Variants in GADD45GIP1 observed in about 807,000 individuals in gnomAD.
GADD45GIP1 encodes large ribosomal subunit protein mL64.
In GADD45GIP1, 17 loss-of-function variants were observed where a neutral mutation model predicts 22.1. The ratio of observed to expected loss-of-function variants is 0.77; its 90% CI spans 0.53 to 1.15. GADD45GIP1 has a LOEUF of 1.15. Among genes scored for constraint, GADD45GIP1 ranks in the 50% most tolerant of loss-of-function variants. The probability of loss-of-function intolerance (pLI) is 0.00; values close to 1 mark genes in which losing one functional copy is unlikely to be tolerated. For synonymous variants in GADD45GIP1, 135 were observed against 138.4 expected, an observed-to-expected ratio of 0.98 and a Z score of 0.17; for missense variants, 294 against 314.0, an observed-to-expected ratio of 0.94 and a Z score of 0.48.
chr19:12,953,876 A>C lies in GADD45GIP1; in HGVS notation c.*332T>G. On this transcript the variant is annotated 3_prime_UTR_variant, in exon 2 of 2. Transcript: ENST00000316939. ...CCCCGGCCCCCACCATCATCACCAC[A>C]GTCTGTTTTGGCTATACTTCCCCCC... 1 of 237,018 alleles carries C rather than the reference A, an allele frequency of 4.2e-6. No individual in the cohort carries two copies. 14.7% of individuals were successfully genotyped at this position (237,018 alleles called of 1,614,324 possible).
intron 1 of GADD45GIP1, among the ~76,000 whole-genome samples, chr19:12,955,589 GT>G (rs762817647): frequency 1.3e-5 from 2 of 151,546 alleles, no homozygotes; most frequent in Non-Finnish European, 2.9e-5. Flanking sequence ...GCCCGACGCG[GT>G]GGCTCACGCC....
At chr19:12,955,018 T>C (rs1971906564) in intron 1 of GADD45GIP1, among the ~76,000 whole-genome samples, 1 of 152,182 alleles carries the variant, frequency 6.6e-6, no homozygotes, top group African/African-American at 2.4e-5. Flanking sequence ...TAAACTTGTG[T>C]CATGGGGTTT....
chr19:12,954,128 A>T lies in GADD45GIP1; in HGVS notation c.*80T>A. On this transcript the variant is annotated 3_prime_UTR_variant, in exon 2 of 2. Transcript: ENST00000316939. ...TATTGGGGGAGGAACCAGGGGACCC[A>T]GAGAGGCACACCTTGAGAGGACGCA... 8.0e-7 allele frequency: 1 copy of T among 1,249,214 alleles called. No individual in the cohort carries two copies. Among genetic ancestry groups the T allele is most frequent in the Non-Finnish European group, 1.1e-6 (1 of 884,960 alleles). The allele number at this position is 1,249,214 out of a possible 1,614,324, so 77.4% of individuals were successfully genotyped here.
chr19:12,954,561 A>C, intron 1 of GADD45GIP1, 35 bp from the exon 2 acceptor site: 1 of 1,567,446 alleles, frequency 6.4e-7, no homozygotes, highest in South Asian at 1.2e-5. Context: ...TGACACTGGC[A>C]CTCAGCCAGG....
intron 1 of GADD45GIP1, 133 bp downstream of exon 1, chr19:12,956,730 G>A (rs1025066611): frequency 9.8e-6 from 7 of 711,126 alleles, no homozygotes; most frequent in Non-Finnish European, 1.6e-5. Context: ...TTGTTTTGCG[G>A]CCAGGTGAGC....
chr19:12,953,290 G>A lies in GADD45GIP1; in HGVS notation c.*918C>T, dbSNP rs1012971937. The A allele has an allele frequency of 2.9e-6, 1 of 345,024 alleles. No homozygotes were observed. Among genetic ancestry groups the A allele is most frequent in the African/African-American group, 2.1e-5 (1 of 46,916 alleles). 21.4% of individuals were successfully genotyped at this position (345,024 alleles called of 1,614,324 possible). A position where few individuals can be genotyped will look rare whatever the true frequency, so the allele number is the denominator to read the frequency against. ...CAGCCCAGCCTGCTCAGAGAAGCTG[G>A]CAGGACTGGGAGGCGACAGATGGGC... On this transcript the variant is annotated 3_prime_UTR_variant, in exon 2 of 2. Transcript: ENST00000316939.
rs921421453 is a variant in GADD45GIP1, at chr19:12,957,166, G to A, written c.47C>T (p.Ala16Val). 1 of 1,420,538 alleles carries A rather than the reference G, an allele frequency of 7.0e-7. No homozygotes were observed. The highest frequency in any genetic ancestry group is 9.1e-7 in the Non-Finnish European group (1 of 1,101,054). The allele number at this position is 1,420,538 out of a possible 1,614,324, so 88.0% of individuals were successfully genotyped here. A position where few individuals can be genotyped will look rare whatever the true frequency, so the allele number is the denominator to read the frequency against. ...GCCACGGGAACCCGGGGCCAGGGTCGCCGCCACACCTAGTAGGCTGCGTGC... is the reference window on the plus strand; with the variant it reads ...GCCACGGGAACCCGGGGCCAGGGTCACCGCCACACCTAGTAGGCTGCGTGC... ...RQARSLLGVAATLAPGSRGYR... is the reference protein window; with the variant it reads ...RQARSLLGVAVTLAPGSRGYR... The change falls in exon 1 of 2, where the codon GCG (alanine) becomes GTG (valine). Residue 16 changes from alanine to valine, a missense_variant. Coordinates refer to ENST00000316939, the MANE Select transcript of GADD45GIP1 (RefSeq NM_052850.4).
At chr19:12,956,789 G>T in intron 1 of GADD45GIP1, 74 bp downstream of exon 1, 1 of 1,376,030 alleles carries the variant, frequency 7.3e-7, no homozygotes, top group East Asian at 2.4e-5. Context: ...ACCCCGAAGG[G>T]GTAGGCACGG....
intron 1 of GADD45GIP1, 37 bp downstream of exon 1, chr19:12,956,824 GCA>G (rs780152098): frequency 6.4e-7 from 1 of 1,569,822 alleles, no homozygotes; most frequent in East Asian, 2.3e-5. Flanking sequence ...CGCCCACGGG[GCA>G]CAGAGGGCAG....
intron 1 of GADD45GIP1, 58 bp from the exon 2 acceptor site, chr19:12,954,584 C>T: frequency 1.4e-6 from 2 of 1,446,666 alleles, no homozygotes; most frequent in East Asian, 4.6e-5. Flanking sequence ...AGAGCCCACC[C>T]ACCCATATCT....
intron 1 of GADD45GIP1, among the ~76,000 whole-genome samples, chr19:12,955,359 C>T (rs1228135686): frequency 3.3e-5 from 5 of 152,150 alleles, no homozygotes; most frequent in Non-Finnish European, 7.3e-5. Flanking sequence ...TGAGGAGGGG[C>T]AGAAACAGGA....
chr19:12,956,974 T>C lies in GADD45GIP1; in HGVS notation c.239A>G (p.Glu80Gly), dbSNP rs1217961166. 1 of 1,598,902 alleles carries C rather than the reference T, an allele frequency of 6.3e-7. No homozygotes were observed. The highest frequency in any genetic ancestry group is 2.2e-5 in the East Asian group (1 of 44,850). The change falls in exon 1 of 2, where the codon GAG becomes GGG. Residue 80 changes from glutamate (E) to glycine (G), a missense_variant. Physicochemically the swap from Glu to Gly is moderately conservative, Grantham distance 98. Coordinates refer to ENST00000316939, the MANE Select transcript of GADD45GIP1 (RefSeq NM_052850.4). ...TTCGGCCTCCAGCTCCCGCAGCTGC[T>C]CCGGCGACGGCCATAACGAACCGGG... is the stretch of plus-strand genomic sequence containing the variant. ...VVPGSLWPSP[E>G]QLRELEAEER...
intron 1 of GADD45GIP1, 42 bp from the exon 2 acceptor site, chr19:12,954,568 C>T (rs772691953): frequency 7.8e-5 from 120 of 1,537,206 alleles, no homozygotes; most frequent in Non-Finnish European, 1.0e-4. Flanking sequence ...GGCACTCAGC[C>T]AGGGCAGAGC....
chr19:12,956,825 C>G lies in GADD45GIP1; in HGVS notation c.350+38G>C, dbSNP rs769457002. ...TTTGGGGCCCAGTTCGCCCACGGGG[C>G]ACAGAGGGCAGCCCCGCGTCTGCCT... On this transcript the variant is annotated intron_variant, in intron 1 of 1. Coordinates refer to ENST00000316939, the MANE Select transcript of GADD45GIP1 (RefSeq NM_052850.4). 4 of 1,574,286 alleles carry G rather than the reference C, an allele frequency of 2.5e-6. No homozygotes were observed. In the African/African-American group the frequency reaches 5.5e-5, roughly 22 times the overall value.
chr19:12,955,789 A>G (rs930550311), intron 1 of GADD45GIP1, among the ~76,000 whole-genome samples: 7 of 152,096 alleles, frequency 4.6e-5, no homozygotes, highest in Admixed American at 4.6e-4. Flanking sequence ...TGATCCTGGG[A>G]GGCAGAGGTT....
rs1202836423 is a variant in GADD45GIP1 at position 12,954,254 on chromosome 19, G to A, written c.623C>T (p.Ala208Val). The A allele has an allele frequency of 2.5e-6, 4 of 1,614,014 alleles. No individual in the cohort carries two copies. The African/African-American group carries it at 4.0e-5, about 16-fold the overall frequency. The change falls in exon 2 of 2, where the codon GCA becomes GTA. Residue 208 changes from alanine (A) to valine (V), a missense_variant. Physicochemically the swap from Ala to Val is moderately conservative, Grantham distance 64 (BLOSUM62 0). Transcript: ENST00000316939. Reference sequence around the variant, plus strand: ...GGCTGCTGGGTCTTGAGCCACAGCTGCAGCCAATGCAGCAGCTCGCGCCTC... The same window carrying A: ...GGCTGCTGGGTCTTGAGCCACAGCTACAGCCAATGCAGCAGCTCGCGCCTC... ...KKEARAAALA[A>V]AVAQDPAASG... is the part of the protein sequence containing the mutation.
chr19:12,953,201 TC>T lies in GADD45GIP1; in HGVS notation c.*1006del, dbSNP rs1971863941. ...AACAAGCAAACAGTCCAGCTTCCTG[TC>T]CTCCTAAAGTGGCCCCTGTTCCCAT... On this transcript the variant is annotated 3_prime_UTR_variant, in exon 2 of 2. Coordinates refer to ENST00000316939, the MANE Select transcript of GADD45GIP1 (RefSeq NM_052850.4). 1 of 573,942 alleles carries T rather than the reference TC, an allele frequency of 1.7e-6. No homozygotes were observed. The highest frequency in any genetic ancestry group is 2.9e-6 in the Non-Finnish European group (1 of 350,558). The allele number at this position is 573,942 out of a possible 1,614,324, so 35.6% of individuals were successfully genotyped here. A position where few individuals can be genotyped will look rare whatever the true frequency, so the allele number is the denominator to read the frequency against.
In GADD45GIP1 at chr19:12,953,975, T is replaced by G. The variant is rs545493588; in HGVS notation, c.*233A>C. 3 of 526,716 alleles carry G rather than the reference T, an allele frequency of 5.7e-6. No individual in the cohort carries two copies. The East Asian group carries it at 9.2e-5, about 16-fold the overall frequency. 32.6% of individuals were successfully genotyped at this position (526,716 alleles called of 1,614,324 possible). On this transcript the variant is annotated 3_prime_UTR_variant, in exon 2 of 2. Transcript: ENST00000316939. ...AGAAGCCTTCTTCTCTTCTGCCATC[T>G]GCTTCTCCATTATTTGCCCATTGTA...
At position 12,957,179 on chromosome 19, in the gene GADD45GIP1, G is replaced by T; in HGVS notation, c.34C>A (p.Leu12Ile). Reference protein sequence around the residue: ...AASVRQARSLLGVAATLAPGS... With the variant: ...AASVRQARSLIGVAATLAPGS... ...GGGGCCAGGGTCGCCGCCACACCTAGTAGGCTGCGTGCCTGTCGCACGGAC... is the reference window on the plus strand; with the variant it reads ...GGGGCCAGGGTCGCCGCCACACCTATTAGGCTGCGTGCCTGTCGCACGGAC... Residue 12 changes from leucine to isoleucine, a missense_variant, in exon 1 of 2, where the codon CTA (leucine) becomes ATA (isoleucine). Physicochemically the swap from Leu to Ile is conservative, Grantham distance 5. Coordinates refer to ENST00000316939, the MANE Select transcript of GADD45GIP1 (RefSeq NM_052850.4). The T allele has an allele frequency of 7.1e-7, 1 of 1,411,686 alleles. No homozygotes were observed. Among genetic ancestry groups the T allele is most frequent in the Non-Finnish European group, 9.1e-7 (1 of 1,094,538 alleles). The allele number at this position is 1,411,686 out of a possible 1,614,324, so 87.4% of individuals were successfully genotyped here.
Sources: allele counts gnomAD v4.1 joint callset (sites outside exome capture counted in the v4.1 genomes callset), GRCh38; gene constraint gnomAD v4.1.1; transcripts MANE v1.5; gene names NCBI Gene and HGNC (gene_info 2026-07-23, HGNC 2026-07-21).